The following JMJD1C variants were observed in gnomAD, a reference collection of about 807,000 sequenced individuals.
JMJD1C encodes the protein jumonji domain containing 1C, also known as jumonji domain-containing protein 1C.
In JMJD1C, 31 loss-of-function variants were observed where a neutral mutation model predicts 245.3. That is an observed-to-expected ratio of 0.13 (90% CI 0.09 to 0.17). JMJD1C has a LOEUF of 0.17. Ranked by LOEUF, JMJD1C falls within the 10% of genes least tolerant of loss-of-function variation. The pLI is 1.00. For synonymous variants in JMJD1C, 1,057 were observed against 1,017.4 expected (o/e 1.04, Z -0.74); for missense variants, 2,691 against 3,000.2 (o/e 0.90, Z 2.41).
At chr10:63,196,588 T>A (rs1845485876) in intron 13 of JMJD1C, among the ~76,000 whole-genome samples, 2 of 152,204 alleles carry the variant, frequency 1.3e-5, no homozygotes, top group African/African-American at 2.4e-5. Flanking sequence ...ATCTACCTGA[T>A]ACACTACTCT....
At position 63,258,739 on chromosome 10, in the gene JMJD1C, C is replaced by G. The variant is rs372032387; in HGVS notation, c.447+5912G>C. On this transcript the variant is annotated intron_variant, in intron 3 of 25. Transcript: ENST00000399262. ...TTACTTCAGGCTCCTTAAATCCAGT[C>G]TACTTCAAGGAAGTCATTTTTTATG... 3.3e-4 allele frequency among the ~76,000 whole-genome samples: 50 copies of G among 152,288 alleles called. 1 individual carries two copies. The South Asian group carries it at 0.01, about 31-fold the overall frequency.
In JMJD1C at chr10:63,207,481, C is replaced by T. The variant is rs770888752; in HGVS notation, c.4188G>A (p.Thr1396=). The T allele has an allele frequency of 8.1e-6, 13 of 1,614,054 alleles. No individual in the cohort carries two copies. The East Asian group carries it at 2.2e-4, about 28-fold the overall frequency. The change falls in exon 10 of 26, where the codon ACG becomes ACA. Residue 1396 remains threonine, a synonymous_variant. Coordinates refer to ENST00000399262, the MANE Select transcript of JMJD1C (RefSeq NM_032776.3). The part of the protein sequence containing the change: ...SAVNTMCNTK[T]DVITSAADTT... ...TATCGGCAGCAGATGTGATTACATC[C>T]GTTTTGGTATTACACATCGTATTTA...
At chr10:63,493,249 C>CTTT (rs752941477) in intron 1 of JMJD1C, among the ~76,000 whole-genome samples, 4,570 of 49,210 alleles carry the variant, frequency 0.093, 1,262 homozygotes, top group Middle Eastern at 0.25. Context: ...ACTGTTATTT[C>CTTT]TTTTTTTTTT....
chr10:63,440,370 AG>A (rs1270403590), intron 1 of JMJD1C, among the ~76,000 whole-genome samples: 20 of 142,948 alleles, frequency 1.4e-4, no homozygotes, highest in Middle Eastern at 3.6e-3. Flanking sequence ...ATATATAGAG[AG>A]AGAGAGAGAG....
intron 1 of JMJD1C, among the ~76,000 whole-genome samples, chr10:63,447,945 T>C (rs1465337154): frequency 2.0e-5 from 3 of 150,314 alleles, no homozygotes; most frequent in Non-Finnish European, 4.4e-5. Context: ...TCTCCAAAAA[T>C]AAAAATAAAA....
intron 1 of JMJD1C, among the ~76,000 whole-genome samples, chr10:63,501,995 A>T (rs1564974231): frequency 6.6e-6 from 1 of 152,202 alleles, no homozygotes; most frequent in Non-Finnish European, 1.5e-5. Flanking sequence ...AAGGTAGTAA[A>T]TAAGACTGAT....
chr10:63,482,720 AGCTGTG>A (rs949309576), intron 1 of JMJD1C, among the ~76,000 whole-genome samples: 1 of 152,190 alleles, frequency 6.6e-6, no homozygotes, highest in Non-Finnish European at 1.5e-5. Flanking sequence ...ACCATTTACT[AGCTGTG>A]TTACCATGCA....
At chr10:63,456,842 A>C (rs978336639) in intron 1 of JMJD1C, among the ~76,000 whole-genome samples, 5 of 152,184 alleles carry the variant, frequency 3.3e-5, no homozygotes, top group Non-Finnish European at 7.4e-5. Context: ...AGTGATACTA[A>C]TGTAAATAAT....
intron 1 of JMJD1C, among the ~76,000 whole-genome samples, chr10:63,385,961 C>T (rs1947557472): frequency 6.6e-6 from 1 of 152,012 alleles, no homozygotes; most frequent in African/African-American, 2.4e-5. Flanking sequence ...AACTACAATA[C>T]ACCAAACATG....
chr10:63,193,163 G>C lies in JMJD1C; in HGVS notation c.5863-12C>G. 1.3e-6 allele frequency: 2 copies of C among 1,595,114 alleles called. No homozygotes were observed. Among genetic ancestry groups the C allele is most frequent in the South Asian group, 1.1e-5 (1 of 90,614 alleles). On this transcript the variant is annotated splice_polypyrimidine_tract_variant and intron_variant, in intron 15 of 25. Transcript: ENST00000399262. ...ACATTCTGTAAAACCTACAAAGGTA[G>C]AACAATTACATTTTTAAACACTTTC...
intron 2 of JMJD1C, among the ~76,000 whole-genome samples, chr10:63,336,958 AG>A (rs1181663153): frequency 6.6e-6 from 1 of 151,982 alleles, no homozygotes; most frequent in African/African-American, 2.4e-5. Flanking sequence ...CTCCTGCCTC[AG>A]CCTCCCAAGT....
rs201065292 is a variant in JMJD1C at position 63,423,229 on chromosome 10, TG to T, written c.168+42265del. ...ATATGCCCACCTCAGCCTTCCAAAC[TG>T]CTGGGATTACAGGCGTGAGGCACCG... On this transcript the variant is annotated intron_variant, in intron 1 of 25. Coordinates refer to ENST00000399262, the MANE Select transcript of JMJD1C (RefSeq NM_032776.3). Among the ~76,000 whole-genome samples the T allele has an allele frequency of 9.1e-3, 1,388 of 152,238 alleles. 22 individuals carry two copies. Among genetic ancestry groups the T allele is most frequent in the African/African-American group, 0.032 (1,315 of 41,542 alleles).
Position 63,372,800 on chromosome 10 carries a change from C to G in JMJD1C, c.333+7518G>C, listed in dbSNP as rs576509289. 2.0e-5 allele frequency among the ~76,000 whole-genome samples: 3 copies of G among 152,280 alleles called. No individual in the cohort carries two copies. The South Asian group carries it at 6.2e-4, about 32-fold the overall frequency. ...GACATGCAAACAAATAGGTATAATA[C>G]AAAGCAGAATGTGCTGATTGTTAAA... On this transcript the variant is annotated intron_variant, in intron 2 of 25. Transcript: ENST00000399262.
intron 2 of JMJD1C, among the ~76,000 whole-genome samples, chr10:63,307,521 C>T (rs1235111657): frequency 6.6e-6 from 1 of 152,034 alleles, no homozygotes; most frequent in East Asian, 1.9e-4. Context: ...ACAGAAAAAG[C>T]AACGGCAATT....
intron 2 of JMJD1C, among the ~76,000 whole-genome samples, chr10:63,299,754 A>G (rs948828866): frequency 2.6e-5 from 4 of 152,134 alleles, no homozygotes; most frequent in Admixed American, 2.6e-4. Context: ...GAATTCCAAG[A>G]AACTCTACAA....
In JMJD1C at chr10:63,209,083, A is replaced by G. The variant is rs1301522174; in HGVS notation, c.2847T>C (p.Thr949=). ...CTTACTCCTTATGATGATCTACTAA[A>G]GTTTTTGTCAATGGTGGACTGGAAT... ...TAHSSPPLTK[T]LVDHHKEELE... Residue 949 remains threonine, a synonymous_variant, in exon 9 of 26, where the codon ACT becomes ACC. Transcript: ENST00000399262. 1 of 1,613,346 alleles carries G rather than the reference A, an allele frequency of 6.2e-7. No individual in the cohort carries two copies. Among genetic ancestry groups the G allele is most frequent in the African/African-American group, 1.3e-5 (1 of 75,008 alleles).
At chr10:63,387,563 GA>G (rs71025168) in intron 1 of JMJD1C, among the ~76,000 whole-genome samples, 95,851 of 136,406 alleles carry the variant, frequency 0.7, 34,382 homozygotes, top group Non-Finnish European at 0.82. Flanking sequence ...TCAAATAGAA[GA>G]AAAAAATCTC....
chr10:63,377,485 A>C (rs1368909830), intron 2 of JMJD1C, among the ~76,000 whole-genome samples: 1 of 152,198 alleles, frequency 6.6e-6, no homozygotes, highest in Non-Finnish European at 1.5e-5. Flanking sequence ...CTGTAATCCC[A>C]GCACTTTGGG....
At chr10:63,211,846 A>C (rs1425780842) in intron 8 of JMJD1C, among the ~76,000 whole-genome samples, 2 of 146,436 alleles carry the variant, frequency 1.4e-5, no homozygotes, top group Non-Finnish European at 3.0e-5. Flanking sequence ...AAAAAAAAAA[A>C]ACCCCACAAA....
Sources: allele counts gnomAD v4.1 joint callset (sites outside exome capture counted in the v4.1 genomes callset), GRCh38; gene constraint gnomAD v4.1.1; transcripts MANE v1.5; gene names NCBI Gene and HGNC (gene_info 2026-07-23, HGNC 2026-07-21).